Variants in ANXA10 observed in about 807,000 individuals in gnomAD.
The protein encoded by ANXA10 is annexin 14.
A neutral mutation model predicts 53.5 loss-of-function variants in ANXA10; 49 were observed. The ratio of observed to expected loss-of-function variants is 0.92; its 90% CI spans 0.73 to 1.16. The LOEUF (loss-of-function observed/expected upper bound fraction) is 1.16, where lower values mean the gene tolerates loss of function less well. Ranked by LOEUF, ANXA10 falls within the 50% of genes most tolerant of loss-of-function variation. ANXA10 has a pLI of 0.00. For missense variants in ANXA10, 393 were observed against 394.4 expected, an observed-to-expected ratio of 1.00 and a Z score of 0.03; for synonymous variants, 131 against 128.9, an observed-to-expected ratio of 1.02 and a Z score of -0.11.
intron 1 of ANXA10, among the ~76,000 whole-genome samples, chr4:168,114,503 C>T (rs887632763): frequency 1.1e-4 from 16 of 152,174 alleles, no homozygotes; most frequent in Non-Finnish European, 1.9e-4. Context: ...ATAGTGTCCC[C>T]TCTTGTTTTT....
chr4:168,173,896 C>T (rs538564038), intron 6 of ANXA10, among the ~76,000 whole-genome samples: 38 of 152,056 alleles, frequency 2.5e-4, no homozygotes, highest in African/African-American at 8.7e-4. Flanking sequence ...AGCCTTTTTG[C>T]GTCCTAACAA....
intron 3 of ANXA10, among the ~76,000 whole-genome samples, chr4:168,156,800 G>A (rs1396158265): frequency 4.6e-5 from 7 of 151,934 alleles, no homozygotes; most frequent in Admixed American, 1.3e-4. Flanking sequence ...ACCATGCCCG[G>A]CCCCTATTTC....
intron 3 of ANXA10, among the ~76,000 whole-genome samples, chr4:168,156,203 A>AT (rs1731667022): frequency 8.4e-5 from 2 of 23,890 alleles, no homozygotes; most frequent in Admixed American, 9.3e-4. Context: ...TATATAATAT[A>AT]TATTATATTA....
At position 168,179,289 on chromosome 4, in the gene ANXA10, T is replaced by C. The variant is rs114097925; in HGVS notation, c.701T>C (p.Phe234Ser). 315 of 1,611,212 alleles carry C rather than the reference T, an allele frequency of 2.0e-4. No homozygotes were observed. The African/African-American group carries it at 3.7e-3, about 19-fold the overall frequency. ...DAINECYDGY[F>S]QELLVAIVLC... ...ATTAATGAATGTTATGATGGATACT[T>C]TCAGGAGCTGCTGGTTGCAATTGGT... The change falls in exon 9 of 12, where the codon TTT becomes TCT. Residue 234 changes from phenylalanine (F) to serine (S), a missense_variant. Physicochemically the swap from Phe to Ser is radical, Grantham distance 155. Coordinates refer to ENST00000359299, the MANE Select transcript of ANXA10 (RefSeq NM_007193.5).
At chr4:168,173,100 T>C (rs1326098717) in intron 6 of ANXA10, among the ~76,000 whole-genome samples, 2 of 152,156 alleles carry the variant, frequency 1.3e-5, no homozygotes. Context: ...TGCCATATTA[T>C]ATAGATTGGT....
intron 3 of ANXA10, among the ~76,000 whole-genome samples, chr4:168,142,204 GC>G (rs1275129417): frequency 2.6e-5 from 4 of 151,918 alleles, no homozygotes; most frequent in Admixed American, 1.3e-4. Context: ...TGAGTAACCC[GC>G]TCATGTCTAG....
chr4:168,135,212 T>C (rs1379498347), intron 2 of ANXA10, among the ~76,000 whole-genome samples: 1 of 152,190 alleles, frequency 6.6e-6, no homozygotes, highest in Non-Finnish European at 1.5e-5. Context: ...AGGGAGGGCA[T>C]TGGTCAATGT....
chr4:168,156,171 T>TTATATTATATATTATATATTA (rs1352004568), intron 3 of ANXA10, among the ~76,000 whole-genome samples: 75 of 31,238 alleles, frequency 2.4e-3, no homozygotes, highest in South Asian at 9.7e-3. Flanking sequence ...ATTATATATA[T>TTATATTATATATTATATATTA]TATATTATAT....
chr4:168,126,233 T>C (rs1019707759), intron 1 of ANXA10, among the ~76,000 whole-genome samples: 1 of 152,186 alleles, frequency 6.6e-6, no homozygotes, highest in African/African-American at 2.4e-5. Flanking sequence ...CTGCCATTAT[T>C]AGGTTAAGTT....
At chr4:168,130,550 T>G (rs1731140992) in intron 2 of ANXA10, among the ~76,000 whole-genome samples, 1 of 152,010 alleles carries the variant, frequency 6.6e-6, no homozygotes, top group Admixed American at 6.6e-5. Context: ...AATTGATATT[T>G]CTTTCTTAAA....
rs532285700 is a variant in ANXA10, at chr4:168,140,705, G to A, written c.195+1125G>A. 1.2e-3 allele frequency among the ~76,000 whole-genome samples: 175 copies of A among 151,304 alleles called. 1 individual carries two copies. The highest frequency in any genetic ancestry group is 2.1e-3 in the Non-Finnish European group (143 of 67,918). Reference sequence around the variant, plus strand: ...GTGATCTCATCTCACTGCAACCTCCGCCTCCTGGGTTCAAGTGATGCCCCT... The same window carrying A: ...GTGATCTCATCTCACTGCAACCTCCACCTCCTGGGTTCAAGTGATGCCCCT... On this transcript the variant is annotated intron_variant, in intron 3 of 11. Transcript: ENST00000359299.
intron 5 of ANXA10, among the ~76,000 whole-genome samples, chr4:168,164,759 CA>C (rs1731845316): frequency 6.6e-6 from 1 of 152,106 alleles, no homozygotes; most frequent in Non-Finnish European, 1.5e-5. Context: ...TTTTCACTTT[CA>C]AAAAGGTATA....
intron 1 of ANXA10, among the ~76,000 whole-genome samples, chr4:168,097,468 T>A (rs902939610): frequency 1.3e-5 from 2 of 152,084 alleles, no homozygotes; most frequent in African/African-American, 4.8e-5. Context: ...AATTACATTC[T>A]ATATACAGAC....
intron 1 of ANXA10, among the ~76,000 whole-genome samples, chr4:168,096,980 T>C (rs964162844): frequency 6.3e-5 from 9 of 143,912 alleles, no homozygotes; most frequent in Middle Eastern, 3.5e-3. Flanking sequence ...TATGTGTATA[T>C]ATACAACAGT....
chr4:168,177,956 A>C lies in ANXA10; in HGVS notation c.601A>C (p.Asn201His), dbSNP rs1732164360. 3 of 1,613,788 alleles carry C rather than the reference A, an allele frequency of 1.9e-6. No homozygotes were observed. The highest frequency in any genetic ancestry group is 2.5e-6 in the Non-Finnish European group (3 of 1,180,010). ...AACCATGCTGCAAATGATCCTGTGC[A>C]ACAAGAGCTACCAGCAGCTGCGGCT... ...HKTMLQMILC[N>H]KSYQQLRLVF... Residue 201 changes from asparagine to histidine, a missense_variant, in exon 8 of 12, where the codon AAC (asparagine) becomes CAC (histidine). Transcript: ENST00000359299.
intron 1 of ANXA10, among the ~76,000 whole-genome samples, chr4:168,117,485 C>T (rs779998730): frequency 1.3e-5 from 2 of 152,114 alleles, no homozygotes; most frequent in Non-Finnish European, 2.9e-5. Context: ...CTGCATATAC[C>T]AACTCTTTGT....
At chr4:168,130,878 TTC>T (rs1321806325) in intron 2 of ANXA10, among the ~76,000 whole-genome samples, 2 of 151,694 alleles carry the variant, frequency 1.3e-5, no homozygotes, top group Non-Finnish European at 3.0e-5. Context: ...CTCTCTTGCT[TTC>T]TCTCTCTTTC....
chr4:168,171,475 C>T (rs921551785), intron 6 of ANXA10, among the ~76,000 whole-genome samples: 1 of 152,062 alleles, frequency 6.6e-6, no homozygotes, highest in African/African-American at 2.4e-5. Context: ...GAAAGATGAC[C>T]CATGGTTTTC....
At chr4:168,104,800 T>G (rs573180072) in intron 1 of ANXA10, among the ~76,000 whole-genome samples, 1 of 151,862 alleles carries the variant, frequency 6.6e-6, no homozygotes, top group African/African-American at 2.4e-5. Flanking sequence ...TTTACTTCAT[T>G]TTATTTATTT....
Sources: allele counts gnomAD v4.1 joint callset (sites outside exome capture counted in the v4.1 genomes callset), GRCh38; gene constraint gnomAD v4.1.1; transcripts MANE v1.5; gene names NCBI Gene and HGNC (gene_info 2026-07-23, HGNC 2026-07-21).